Variants in COL24A1 observed in about 807,000 individuals in gnomAD.
The protein encoded by COL24A1 is collagen alpha-1(XXIV) chain.
Under a neutral mutation model 253.9 loss-of-function variants are expected in COL24A1, and 224 were observed. That is an observed-to-expected ratio of 0.88 (90% CI 0.79 to 0.99). The LOEUF (loss-of-function observed/expected upper bound fraction) is 0.99. COL24A1 is among the 50% of genes least tolerant of loss of function. The pLI is 0.00. For synonymous variants in COL24A1, 685 were observed against 673.7 expected, an observed-to-expected ratio of 1.02 and a Z score of -0.26; for missense variants, 2,131 against 2,068.5, an observed-to-expected ratio of 1.03 and a Z score of -0.59.
Position 85,911,435 on chromosome 1 carries a change from T to C in COL24A1, c.2563-2A>G, listed in dbSNP as rs374683185. The stretch of plus-strand genomic sequence containing the variant: ...TTCTCCAGGTAAGCCAACAGGTCCC[T>C]TTTAGGAAAAAAAAATAACAGAAAA... On this transcript the variant is annotated splice_acceptor_variant, in intron 24 of 59. Coordinates refer to ENST00000370571, the MANE Select transcript of COL24A1 (RefSeq NM_152890.7). LOFTEE classifies it high-confidence loss of function. The C allele has an allele frequency of 1.9e-6, 3 of 1,610,328 alleles. No homozygotes were observed. The highest frequency in any genetic ancestry group is 2.7e-5 in the African/African-American group (2 of 74,720).
chr1:85,733,451 G>A (rs1364847196), intron 59 of COL24A1, among the ~76,000 whole-genome samples: 1 of 152,174 alleles, frequency 6.6e-6, no homozygotes, highest in Non-Finnish European at 1.5e-5. Context: ...AAGGATGGCT[G>A]TGTTCCAATA....
intron 24 of COL24A1, among the ~76,000 whole-genome samples, chr1:85,944,350 T>C (rs1689033315): frequency 6.6e-6 from 1 of 152,204 alleles, no homozygotes; most frequent in Admixed American, 6.5e-5. Flanking sequence ...TGTTTATGCT[T>C]GCAAAAATAT....
At position 85,733,222 on chromosome 1, in the gene COL24A1, T is replaced by C. The variant is rs1570376107; in HGVS notation, c.4998+1527A>G. Among the ~76,000 whole-genome samples the C allele has an allele frequency of 2.6e-5, 4 of 152,182 alleles. No individual in the cohort carries two copies. The East Asian group carries it at 7.7e-4, about 29-fold the overall frequency. ...ATGTTGAGATACTAAATCATGGGTT[T>C]CATAGTACACAAAGATAGGAAATGA... On this transcript the variant is annotated intron_variant, in intron 59 of 59. Coordinates refer to ENST00000370571, the MANE Select transcript of COL24A1 (RefSeq NM_152890.7).
At chr1:85,847,299 A>C (rs1192011035) in intron 39 of COL24A1, among the ~76,000 whole-genome samples, 2 of 152,186 alleles carry the variant, frequency 1.3e-5, no homozygotes, top group Non-Finnish European at 2.9e-5. Context: ...AGTAAACCTA[A>C]TTTTCAAAGC....
At chr1:86,080,561 A>G (rs1001529423) in intron 7 of COL24A1, among the ~76,000 whole-genome samples, 7 of 152,078 alleles carry the variant, frequency 4.6e-5, no homozygotes, top group Admixed American at 3.9e-4. Context: ...ATATACACTT[A>G]CTATGTACCT....
At chr1:86,003,010 C>T (rs586629) in intron 19 of COL24A1, among the ~76,000 whole-genome samples, 27,647 of 152,016 alleles carry the variant, frequency 0.18, 3,202 homozygotes, top group African/African-American at 0.32. Context: ...CAATCAGTCC[C>T]GCCACTTGCA....
Position 85,945,018 on chromosome 1 carries a change from T to TTTTTTTG in COL24A1, c.2562+16230_2562+16231insCAAAAAA, listed in dbSNP as rs1689170923. 4.1e-4 allele frequency among the ~76,000 whole-genome samples: 36 copies of TTTTTTTG among 86,848 alleles called. 3 individuals are homozygous for TTTTTTTG. Among genetic ancestry groups the TTTTTTTG allele is most frequent in the Middle Eastern group, 5.8e-3 (1 of 172 alleles). The allele number at this position is 86,848 out of a possible 152,430, so 57.0% of individuals were successfully genotyped here. A position where few individuals can be genotyped will look rare whatever the true frequency, so the allele number is the denominator to read the frequency against. ...TATCATTGTGTTTTTTTTTTTTTTT[T>TTTTTTTG]TTTTTTTTTTTTTTTTTGAGACAGA... On this transcript the variant is annotated intron_variant, in intron 24 of 59. Transcript: ENST00000370571.
intron 32 of COL24A1, among the ~76,000 whole-genome samples, chr1:85,883,414 T>C (rs1208852376): frequency 1.3e-5 from 2 of 151,818 alleles, no homozygotes; most frequent in African/African-American, 2.4e-5. Context: ...AGAGATGGGG[T>C]TTTACCATGT....
At chr1:86,036,105 A>T (rs1275482934) in intron 12 of COL24A1, among the ~76,000 whole-genome samples, 2 of 152,118 alleles carry the variant, frequency 1.3e-5, no homozygotes, top group African/African-American at 4.8e-5. Flanking sequence ...CCCCTGAAAT[A>T]ATTTAATTGA....
chr1:86,089,966 G>A (rs1343867146), intron 6 of COL24A1, among the ~76,000 whole-genome samples: 2 of 152,186 alleles, frequency 1.3e-5, no homozygotes, highest in Admixed American at 6.5e-5. Context: ...AATCTCACGG[G>A]CTGTGGTGGG....
At chr1:86,151,887 T>C (rs1490321830) in intron 1 of COL24A1, among the ~76,000 whole-genome samples, 1 of 152,202 alleles carries the variant, frequency 6.6e-6, no homozygotes, top group Admixed American at 6.5e-5. Flanking sequence ...GTTGGTGGCC[T>C]TCTTTTAAAC....
At chr1:85,965,559 C>T (rs755102577) in intron 22 of COL24A1, among the ~76,000 whole-genome samples, 17 of 151,254 alleles carry the variant, frequency 1.1e-4, no homozygotes, top group Non-Finnish European at 2.2e-4. Context: ...TCTTTGATGA[C>T]AATGAGAGAG....
At chr1:85,810,244 T>C (rs1033700079) in intron 47 of COL24A1, among the ~76,000 whole-genome samples, 2 of 152,144 alleles carry the variant, frequency 1.3e-5, no homozygotes, top group Non-Finnish European at 2.9e-5. Context: ...ACCAGCACCA[T>C]GACAGTTTAA....
intron 27 of COL24A1, 111 bp downstream of exon 27, chr1:85,908,487 G>T: frequency 1.6e-6 from 1 of 606,254 alleles, no homozygotes; most frequent in South Asian, 2.5e-5. Context: ...GTCTCCACTA[G>T]TTTACACATG....
chr1:86,063,683 C>T (rs1701271986), intron 8 of COL24A1, 32 bp downstream of exon 8: 2 of 1,464,868 alleles, frequency 1.4e-6, no homozygotes, highest in African/African-American at 1.4e-5. Flanking sequence ...CTTTTTCACA[C>T]ATGATACAAG....
chr1:85,786,327 A>C, intron 48 of COL24A1, 27 bp downstream of exon 48: 1 of 1,593,880 alleles, frequency 6.3e-7, no homozygotes, highest in Non-Finnish European at 8.6e-7. Context: ...AATACTGCTT[A>C]CCCATTGGAA....
chr1:86,116,457 GT>G (rs1408004486), intron 3 of COL24A1, among the ~76,000 whole-genome samples: 1 of 152,098 alleles, frequency 6.6e-6, no homozygotes, highest in Non-Finnish European at 1.5e-5. Context: ...ATATGTGACA[GT>G]TTTTTAACCT....
chr1:86,105,268 G>A (rs34559619), intron 5 of COL24A1, among the ~76,000 whole-genome samples: 3 of 152,150 alleles, frequency 2.0e-5, no homozygotes, highest in East Asian at 3.9e-4. Context: ...ATGCAAAACC[G>A]GTGGAACAAG....
At chr1:85,934,875 C>T (rs1688119763) in intron 24 of COL24A1, among the ~76,000 whole-genome samples, 1 of 151,872 alleles carries the variant, frequency 6.6e-6, no homozygotes, top group South Asian at 2.1e-4. Flanking sequence ...GAGCCATAGC[C>T]AGAATTATTG....
Sources: gnomAD v4.1 joint callset for allele counts (sites outside exome capture counted in the v4.1 genomes callset) on GRCh38, gnomAD v4.1.1 for gene constraint, MANE v1.5 for transcripts, NCBI Gene and HGNC (gene_info 2026-07-23, HGNC 2026-07-21) for gene names.